Variants in ZNF385D observed in about 807,000 individuals in gnomAD.
ZNF385D encodes the protein zinc finger protein 385D.
Under a neutral mutation model 35.8 loss-of-function variants are expected in ZNF385D, and 15 were observed. The ratio of observed to expected loss-of-function variants is 0.42; its 90% confidence interval spans 0.28 to 0.64. The LOEUF (loss-of-function observed/expected upper bound fraction) is 0.64, where lower values mean the gene tolerates loss of function less well. Among genes scored for constraint, ZNF385D ranks in the 30% least tolerant of loss-of-function variants. The pLI is 0.23. For missense variants in ZNF385D, 474 were observed against 494.6 expected (o/e 0.96, Z 0.39); for synonymous variants, 212 against 186.8 (o/e 1.13, Z -1.10).
At chr3:21,930,801 C>T (rs933641125) in intron 3 of ZNF385D, among the ~76,000 whole-genome samples, 1 of 151,944 alleles carries the variant, frequency 6.6e-6, no homozygotes, top group African/African-American at 2.4e-5. Context: ...TATCTCACAC[C>T]ATACATATAA....
At chr3:21,424,632 A>G (rs149337566) in intron 6 of ZNF385D, among the ~76,000 whole-genome samples, 162 of 149,886 alleles carry the variant, frequency 1.1e-3, no homozygotes, top group Admixed American at 3.4e-3. Context: ...GTATTTTTAA[A>G]CAAATAGTAG....
chr3:21,977,983 G>C (rs929113906), intron 3 of ZNF385D, among the ~76,000 whole-genome samples: 3 of 152,208 alleles, frequency 2.0e-5, no homozygotes, highest in Non-Finnish European at 4.4e-5. Flanking sequence ...CCTGGAGGTA[G>C]TTGGTATAGC....
chr3:21,415,512 C>A lies in ZNF385D; in HGVS notation c.*5702G>T, dbSNP rs376354550. On this transcript the variant is annotated 3_prime_UTR_variant, in exon 8 of 8. Transcript: ENST00000281523. ...GTTCCTTTTGTTAAAGTAAAACCAACCTAATCATTGAAAATAAAATGATTT... is the reference window on the plus strand; with the variant it reads ...GTTCCTTTTGTTAAAGTAAAACCAAACTAATCATTGAAAATAAAATGATTT... The A allele has an allele frequency of 6.8e-4, 104 of 152,126 alleles. 1 individual carries two copies. Among genetic ancestry groups the A allele is most frequent in the African/African-American group, 2.4e-3 (99 of 41,516 alleles). The allele number at this position is 152,126 out of a possible 1,614,324, so 9.4% of individuals were successfully genotyped here.
At position 22,328,269 on chromosome 3, in the gene ZNF385D, T is replaced by C. The variant is rs191754878; in HGVS notation, c.106+44181A>G. On this transcript the variant is annotated intron_variant, in intron 2 of 5. Coordinates refer to the ZNF385D transcript ENST00000494108. ...ATATATTTTTCTGGAGTCCTTTTTT[T>C]CTCCCCTTCTACAGTGAAAGCTGTA... 1.1e-3 allele frequency among the ~76,000 whole-genome samples: 169 copies of C among 152,214 alleles called. 2 individuals carry two copies. The highest frequency in any genetic ancestry group is 0.01 in the Middle Eastern group (3 of 294).
intron 3 of ZNF385D, among the ~76,000 whole-genome samples, chr3:21,852,072 G>A (rs1438736188): frequency 6.6e-6 from 1 of 151,842 alleles, no homozygotes. Flanking sequence ...GACTCTGTTT[G>A]GTAGATTCTC....
At chr3:22,248,986 T>C (rs1057137348) in intron 2 of ZNF385D, among the ~76,000 whole-genome samples, 2 of 152,210 alleles carry the variant, frequency 1.3e-5, no homozygotes, top group African/African-American at 4.8e-5. Flanking sequence ...GTAAGTATTC[T>C]GACTGATGGT....
At chr3:21,637,154 T>C (rs1417516704) in intron 2 of ZNF385D, among the ~76,000 whole-genome samples, 3 of 152,104 alleles carry the variant, frequency 2.0e-5, no homozygotes, top group Non-Finnish European at 4.4e-5. Flanking sequence ...TTTTGGGTTC[T>C]TGGTCATGAA....
chr3:22,141,476 C>T (rs1704500073), intron 3 of ZNF385D, among the ~76,000 whole-genome samples: 1 of 152,084 alleles, frequency 6.6e-6, no homozygotes. Context: ...AAGAAGGAAT[C>T]CTAGCTAAAC....
At chr3:22,282,002 C>T (rs1164905005) in intron 2 of ZNF385D, among the ~76,000 whole-genome samples, 1 of 151,886 alleles carries the variant, frequency 6.6e-6, no homozygotes, top group African/African-American at 2.4e-5. Flanking sequence ...GGAATTTATC[C>T]ACTTCCTCTA....
chr3:21,685,489 T>C (rs2067074895), intron 1 of ZNF385D, among the ~76,000 whole-genome samples: 1 of 152,152 alleles, frequency 6.6e-6, no homozygotes, highest in African/African-American at 2.4e-5. Context: ...ACATCACAGG[T>C]TTTTCCCTGT....
chr3:21,889,455 G>A (rs1698726938), intron 3 of ZNF385D, among the ~76,000 whole-genome samples: 1 of 152,180 alleles, frequency 6.6e-6, no homozygotes, highest in South Asian at 2.1e-4. Context: ...ATAGCACCCA[G>A]TGGGGAGGGG....
chr3:22,071,332 A>G (rs549182705), intron 3 of ZNF385D, among the ~76,000 whole-genome samples: 2 of 152,254 alleles, frequency 1.3e-5, no homozygotes, highest in South Asian at 2.1e-4. Context: ...ACAGCAACCT[A>G]TCTAAACAGT....
At chr3:22,170,683 G>C (rs1398756979) in intron 2 of ZNF385D, among the ~76,000 whole-genome samples, 6 of 151,956 alleles carry the variant, frequency 3.9e-5, no homozygotes, top group Admixed American at 3.9e-4. Flanking sequence ...TTAATCAAAG[G>C]AAAATATGTA....
intron 3 of ZNF385D, among the ~76,000 whole-genome samples, chr3:22,059,651 T>C (rs1023266719): frequency 6.6e-6 from 1 of 152,184 alleles, no homozygotes; most frequent in African/African-American, 2.4e-5. Context: ...AGTTCTCCAA[T>C]GGGTATGTGG....
intron 2 of ZNF385D, among the ~76,000 whole-genome samples, chr3:22,319,695 C>A (rs924438437): frequency 6.6e-6 from 1 of 152,112 alleles, no homozygotes; most frequent in Non-Finnish European, 1.5e-5. Context: ...AGGAAGTAAT[C>A]TGATGATATA....
Position 22,291,271 on chromosome 3 carries a change from T to A in ZNF385D, c.106+81179A>T, listed in dbSNP as rs527248159. On this transcript the variant is annotated intron_variant, in intron 2 of 5. Coordinates refer to the ZNF385D transcript ENST00000494108. The stretch of plus-strand genomic sequence containing the variant: ...ATAATGGAAACTTTCCTTGTGATTA[T>A]GTTAAACATATATATTTATTGGAAG... Among the ~76,000 whole-genome samples, 4 of 152,318 alleles carry A rather than the reference T, an allele frequency of 2.6e-5. No homozygotes were observed. The South Asian group carries it at 8.3e-4, about 32-fold the overall frequency.
At chr3:21,819,451 A>G (rs928392096) in intron 3 of ZNF385D, among the ~76,000 whole-genome samples, 2 of 125,912 alleles carry the variant, frequency 1.6e-5, no homozygotes. Flanking sequence ...TGACTATTAC[A>G]AAAAAAATCT....
At chr3:21,439,038 A>G (rs6787955) in intron 4 of ZNF385D, among the ~76,000 whole-genome samples, 46,535 of 151,946 alleles carry the variant, frequency 0.31, 8,649 homozygotes, top group African/African-American at 0.52. Flanking sequence ...GTTTGAAAGC[A>G]TGTGTGTATG....
At chr3:21,484,188 C>T (rs1045225641) in intron 4 of ZNF385D, among the ~76,000 whole-genome samples, 2 of 152,164 alleles carry the variant, frequency 1.3e-5, no homozygotes, top group African/African-American at 4.8e-5. Flanking sequence ...GAGCTCTAGA[C>T]CTTGTTGGAC....
Sources: allele counts gnomAD v4.1 joint callset (sites outside exome capture counted in the v4.1 genomes callset), GRCh38; gene constraint gnomAD v4.1.1; transcripts MANE v1.5; gene names NCBI Gene and HGNC (gene_info 2026-07-23, HGNC 2026-07-21).